The following ST6GALNAC3 variants were observed in gnomAD, a reference collection of about 807,000 sequenced individuals.
ST6GALNAC3 encodes the protein alpha-N-acetylgalactosaminide alpha-2,6-sialyltransferase 3.
In ST6GALNAC3, 25 loss-of-function variants were observed where a neutral mutation model predicts 32.7. The observed-to-expected ratio is 0.76, with a 90% CI of 0.56 to 1.07. The LOEUF (loss-of-function observed/expected upper bound fraction) is 1.07. ST6GALNAC3 is among the 50% of genes least tolerant of loss of function. The pLI, the probability that ST6GALNAC3 is intolerant of heterozygous loss-of-function variation, is 0.00. For synonymous variants in ST6GALNAC3, 129 were observed against 133.1 expected, an observed-to-expected ratio of 0.97 and a Z score of 0.21; for missense variants, 355 against 382.4, an observed-to-expected ratio of 0.93 and a Z score of 0.60.
At chr1:76,388,025 A>G (rs1652232683) in intron 2 of ST6GALNAC3, among the ~76,000 whole-genome samples, 1 of 152,172 alleles carries the variant, frequency 6.6e-6, no homozygotes, top group African/African-American at 2.4e-5. Context: ...GTCTGATGCC[A>G]TAAGAGGGTG....
Position 76,628,738 on chromosome 1 carries a change from AAAGT to A in ST6GALNAC3, c.851_854del (p.Lys284SerfsTer11). The A allele has an allele frequency of 6.2e-7, 1 of 1,612,562 alleles. No individual in the cohort carries two copies. The highest frequency in any genetic ancestry group is 1.3e-5 in the African/African-American group (1 of 74,890). On this transcript the variant is annotated frameshift_variant, in exon 5 of 5. Coordinates refer to ENST00000328299, the MANE Select transcript of ST6GALNAC3 (RefSeq NM_152996.4). LOFTEE classifies it high-confidence loss of function. Reference sequence around the variant, plus strand: ...GGGTCATAGGTTTATCACTGAAAAGAAAGTGTTTGCTAAATGGGCCAAGAAGCAC... The same window carrying A: ...GGGTCATAGGTTTATCACTGAAAAGAGTTTGCTAAATGGGCCAAGAAGCAC...
intron 1 of ST6GALNAC3, among the ~76,000 whole-genome samples, chr1:76,180,413 C>T (rs746092564): frequency 6.6e-6 from 1 of 152,020 alleles, no homozygotes; most frequent in African/African-American, 2.4e-5. Flanking sequence ...CTGTTGATGC[C>T]GACGGGAGAC....
At chr1:76,411,685 C>A (rs937922270) in intron 2 of ST6GALNAC3, among the ~76,000 whole-genome samples, 11 of 152,038 alleles carry the variant, frequency 7.2e-5, no homozygotes, top group Non-Finnish European at 1.6e-4. Flanking sequence ...TCTTATTTCA[C>A]CTGAAATTAC....
chr1:76,576,942 G>GAAAC (rs1248027611), intron 3 of ST6GALNAC3: 42 of 1,291,768 alleles, frequency 3.3e-5, no homozygotes, highest in African/African-American at 6.2e-5. Context: ...AAGAAAGAAA[G>GAAAC]AAAGAAACAA....
intron 3 of ST6GALNAC3, among the ~76,000 whole-genome samples, chr1:76,526,502 T>G (rs1266197074): frequency 6.7e-6 from 1 of 149,716 alleles, no homozygotes; most frequent in Non-Finnish European, 1.5e-5. Context: ...ATGTCATTAC[T>G]CTGGAATCCT....
chr1:76,332,978 C>A (rs112707918), intron 2 of ST6GALNAC3, among the ~76,000 whole-genome samples: 82 of 152,178 alleles, frequency 5.4e-4, no homozygotes, highest in Middle Eastern at 3.4e-3. Flanking sequence ...ATTGCCATCA[C>A]TTTTGTGCAG....
At chr1:76,097,462 T>C (rs1406202370) in intron 1 of ST6GALNAC3, among the ~76,000 whole-genome samples, 1 of 152,174 alleles carries the variant, frequency 6.6e-6, no homozygotes, top group Non-Finnish European at 1.5e-5. Flanking sequence ...GCTGCTGCCA[T>C]GTGAAGAAGG....
intron 3 of ST6GALNAC3, among the ~76,000 whole-genome samples, chr1:76,478,826 G>C (rs1330241247): frequency 2.2e-5 from 3 of 139,026 alleles, no homozygotes; most frequent in Non-Finnish European, 3.0e-5. Context: ...GCAGTGGCTC[G>C]ATCTTGGCTC....
At chr1:76,387,635 G>A (rs1652201357) in intron 2 of ST6GALNAC3, among the ~76,000 whole-genome samples, 1 of 151,892 alleles carries the variant, frequency 6.6e-6, no homozygotes, top group Admixed American at 6.6e-5. Context: ...ACTGGATTTT[G>A]AATGTAAATA....
At chr1:76,122,761 T>C (rs1449214931) in intron 1 of ST6GALNAC3, among the ~76,000 whole-genome samples, 2 of 152,180 alleles carry the variant, frequency 1.3e-5, no homozygotes, top group African/African-American at 4.8e-5. Context: ...GTGTGTGAGC[T>C]GCAAAAGGGG....
At chr1:76,125,287 C>T (rs959001614) in intron 1 of ST6GALNAC3, among the ~76,000 whole-genome samples, 1 of 152,154 alleles carries the variant, frequency 6.6e-6, no homozygotes, top group African/African-American at 2.4e-5. Flanking sequence ...CTTACCTGTT[C>T]CCTGGACCTC....
chr1:76,524,047 A>G (rs1662716672), intron 3 of ST6GALNAC3, among the ~76,000 whole-genome samples: 1 of 152,096 alleles, frequency 6.6e-6, no homozygotes, highest in South Asian at 2.1e-4. Context: ...ATCTACAACT[A>G]TCTATTGCAT....
At chr1:76,479,059 T>G (rs1347984273) in intron 3 of ST6GALNAC3, among the ~76,000 whole-genome samples, 1 of 152,086 alleles carries the variant, frequency 6.6e-6, no homozygotes, top group African/African-American at 2.4e-5. Flanking sequence ...CACCATGCTC[T>G]GCCTTATTAA....
intron 1 of ST6GALNAC3, among the ~76,000 whole-genome samples, chr1:76,186,034 A>G (rs1653531423): frequency 6.6e-6 from 1 of 152,156 alleles, no homozygotes; most frequent in Admixed American, 6.5e-5. Flanking sequence ...AGATTTTTGT[A>G]GTTTTGGGAG....
chr1:76,390,179 G>A (rs1384709177), intron 2 of ST6GALNAC3, among the ~76,000 whole-genome samples: 1 of 152,046 alleles, frequency 6.6e-6, no homozygotes, highest in African/African-American at 2.4e-5. Flanking sequence ...TTTTGGTGAA[G>A]CCATTTTGTA....
At chr1:76,370,687 T>C (rs1650747697) in intron 2 of ST6GALNAC3, among the ~76,000 whole-genome samples, 1 of 152,158 alleles carries the variant, frequency 6.6e-6, no homozygotes, top group Non-Finnish European at 1.5e-5. Context: ...TAGAAACTGA[T>C]TTATATAGAG....
intron 3 of ST6GALNAC3, among the ~76,000 whole-genome samples, chr1:76,566,343 A>G (rs531375483): frequency 6.6e-6 from 1 of 152,238 alleles, no homozygotes; most frequent in South Asian, 2.1e-4. Flanking sequence ...CTACCTCTTT[A>G]CAGTGTATTA....
At chr1:76,124,756 G>C (rs1178400307) in intron 1 of ST6GALNAC3, among the ~76,000 whole-genome samples, 1 of 152,024 alleles carries the variant, frequency 6.6e-6, no homozygotes, top group Non-Finnish European at 1.5e-5. Flanking sequence ...TTTCTTCAGG[G>C]GTTTTTATTG....
intron 1 of ST6GALNAC3, among the ~76,000 whole-genome samples, chr1:76,307,030 A>G (rs1661101850): frequency 6.6e-6 from 1 of 152,152 alleles, no homozygotes; most frequent in African/African-American, 2.4e-5. Flanking sequence ...TATAGAAAAG[A>G]AAGAAAGCAA....
Sources: gnomAD v4.1 joint callset for allele counts (sites outside exome capture counted in the v4.1 genomes callset) on GRCh38, gnomAD v4.1.1 for gene constraint, MANE v1.5 for transcripts, NCBI Gene and HGNC (gene_info 2026-07-23, HGNC 2026-07-21) for gene names.